Variants in ABCA13 observed in about 807,000 individuals in gnomAD.
ABCA13 encodes the protein ATP-binding cassette sub-family A member 13.
A neutral mutation model predicts 478.7 loss-of-function variants in ABCA13; 476 were observed. The ratio of observed to expected loss-of-function variants is 0.99; its 90% confidence interval spans 0.92 to 1.07. The LOEUF (loss-of-function observed/expected upper bound fraction) is 1.07. ABCA13 is among the 50% of genes least tolerant of loss of function. The pLI, the probability that ABCA13 is intolerant of heterozygous loss-of-function variation, is 0.00. For missense variants in ABCA13, 6,060 were observed against 5,910.6 expected, an observed-to-expected ratio of 1.03 and a Z score of -0.83; for synonymous variants, 2,252 against 2,158.9, an observed-to-expected ratio of 1.04 and a Z score of -1.20.
Position 48,279,383 on chromosome 7 carries a change from A to AAATAGG in ABCA13, c.8191_8196dup (p.Ile2731_Gly2732dup), listed in dbSNP as rs773364245. On this transcript the variant is annotated inframe_insertion, in exon 18 of 62. Transcript: ENST00000435803. ...AAAATATTATCACAAAACAGCACAGAAATAGGATCTTTCTTGAAAATGGTG... is the reference window on the plus strand; with the variant it reads ...AAAATATTATCACAAAACAGCACAGAAATAGGAATAGGATCTTTCTTGAAAATGGTG... 1.3e-6 allele frequency: 2 copies of AAATAGG among 1,596,946 alleles called. No homozygotes were observed. The highest frequency in any genetic ancestry group is 2.3e-5 in the South Asian group (2 of 88,882).
chr7:48,199,180 G>A (rs1798331216), intron 3 of ABCA13, among the ~76,000 whole-genome samples: 1 of 152,120 alleles, frequency 6.6e-6, no homozygotes, highest in South Asian at 2.1e-4. Flanking sequence ...CCAACTCTAA[G>A]TTACAAGAGG....
chr7:48,283,816 T>C (rs562173838), intron 19 of ABCA13, among the ~76,000 whole-genome samples: 6 of 152,172 alleles, frequency 3.9e-5, no homozygotes, highest in Non-Finnish European at 8.8e-5. Flanking sequence ...ACAAGTGATG[T>C]CGTGAGAAGT....
intron 47 of ABCA13, among the ~76,000 whole-genome samples, chr7:48,486,692 G>A (rs1829336648): frequency 6.6e-6 from 1 of 152,140 alleles, no homozygotes; most frequent in Non-Finnish European, 1.5e-5. Context: ...CCTCCACAAT[G>A]GATGTTCATT....
chr7:48,605,301 T>C (rs928841085), intron 58 of ABCA13, among the ~76,000 whole-genome samples: 4 of 152,234 alleles, frequency 2.6e-5, no homozygotes, highest in Admixed American at 2.6e-4. Flanking sequence ...TGCCTGTTAG[T>C]TGATGCAGTT....
At chr7:48,210,572 T>A (rs1291811368) in intron 3 of ABCA13, among the ~76,000 whole-genome samples, 1 of 152,124 alleles carries the variant, frequency 6.6e-6, no homozygotes, top group Non-Finnish European at 1.5e-5. Flanking sequence ...ATTTTAAAAT[T>A]TCCTTCTTAA....
chr7:48,415,133 A>G (rs1819802299), intron 41 of ABCA13, among the ~76,000 whole-genome samples: 1 of 152,180 alleles, frequency 6.6e-6, no homozygotes, highest in Non-Finnish European at 1.5e-5. Flanking sequence ...TATGTCAGAC[A>G]CCACAGTTGT....
At chr7:48,601,055 T>C (rs1473620752) in intron 58 of ABCA13, among the ~76,000 whole-genome samples, 2 of 152,144 alleles carry the variant, frequency 1.3e-5, no homozygotes, top group Non-Finnish European at 1.5e-5. Flanking sequence ...TAATCTTTAT[T>C]GATCTATGTG....
intron 48 of ABCA13, among the ~76,000 whole-genome samples, chr7:48,504,988 A>G (rs1216098861): frequency 1.3e-5 from 2 of 152,206 alleles, no homozygotes; most frequent in Non-Finnish European, 2.9e-5. Context: ...AGGGATCAAG[A>G]CCACACAATT....
intron 6 of ABCA13, among the ~76,000 whole-genome samples, chr7:48,228,443 A>G (rs914656222): frequency 6.6e-6 from 1 of 152,130 alleles, no homozygotes; most frequent in Non-Finnish European, 1.5e-5. Flanking sequence ...CTGCAGCCCA[A>G]GGGTATTCTA....
chr7:48,398,732 A>G (rs888011476), intron 38 of ABCA13, among the ~76,000 whole-genome samples: 2 of 152,204 alleles, frequency 1.3e-5, no homozygotes, highest in African/African-American at 4.8e-5. Context: ...TTCACCATGC[A>G]ACTCAGGTTG....
chr7:48,281,943 C>T (rs1797112351), intron 19 of ABCA13, among the ~76,000 whole-genome samples: 1 of 152,176 alleles, frequency 6.6e-6, no homozygotes. Context: ...CTGATGGGTG[C>T]TGAGTAGTCC....
intron 11 of ABCA13, 40 bp downstream of exon 11, chr7:48,244,743 G>C (rs1487962523): frequency 6.5e-7 from 1 of 1,537,178 alleles, no homozygotes; most frequent in African/African-American, 1.4e-5. Flanking sequence ...GACTCACTAA[G>C]AGTAAATGTG....
intron 1 of ABCA13, among the ~76,000 whole-genome samples, chr7:48,180,384 T>C (rs914551724): frequency 6.6e-6 from 1 of 152,164 alleles, no homozygotes; most frequent in Admixed American, 6.5e-5. Flanking sequence ...TATCCTAACA[T>C]ACTACTCTTG....
At chr7:48,330,484 C>T (rs1457455222) in intron 27 of ABCA13, among the ~76,000 whole-genome samples, 9 of 134,708 alleles carry the variant, frequency 6.7e-5, no homozygotes, top group African/African-American at 2.5e-4. Context: ...TCCATCCATC[C>T]GTCCATCCAT....
intron 59 of ABCA13, among the ~76,000 whole-genome samples, chr7:48,639,093 C>T (rs545166195): frequency 2.0e-5 from 3 of 152,268 alleles, no homozygotes; most frequent in Admixed American, 1.3e-4. Context: ...GCCTCACTCA[C>T]AGAGGATACA....
chr7:48,404,843 ATCTGTT>A (rs1818052245), intron 39 of ABCA13, among the ~76,000 whole-genome samples: 1 of 152,196 alleles, frequency 6.6e-6, no homozygotes, highest in South Asian at 2.1e-4. Flanking sequence ...TAGAAGATCA[ATCTGTT>A]TCTTTCTGTC....
chr7:48,318,797 G>A lies in ABCA13; in HGVS notation c.9999+1501G>A, dbSNP rs921573638. The stretch of plus-strand genomic sequence containing the variant: ...TCACAGAAAATGGCTCCATATCACA[G>A]CTCTATTTTAAATTCAAAATTTAAA... On this transcript the variant is annotated intron_variant, in intron 27 of 61. Transcript: ENST00000435803. Among the ~76,000 whole-genome samples the A allele has an allele frequency of 2.1e-4, 32 of 151,714 alleles. 2 individuals carry two copies. Among genetic ancestry groups the A allele is most frequent in the African/African-American group, 7.3e-4 (30 of 41,264 alleles).
rs201487892 is a variant in ABCA13, at chr7:48,415,544, A to AC, written c.12459+2966dup. Among the ~76,000 whole-genome samples, 18 of 152,280 alleles carry AC rather than the reference A, an allele frequency of 1.2e-4. No individual in the cohort carries two copies. The East Asian group carries it at 1.9e-3, about 16-fold the overall frequency. On this transcript the variant is annotated intron_variant, in intron 41 of 61. Coordinates refer to ENST00000435803, the MANE Select transcript of ABCA13 (RefSeq NM_152701.5). ...CTTATCAGTGAAATAATGAGTGTTC[A>AC]CCCCCAATGTATTTACTGATTTGCA...
At chr7:48,262,155 T>G (rs1270998547) in intron 15 of ABCA13, among the ~76,000 whole-genome samples, 7 of 151,936 alleles carry the variant, frequency 4.6e-5, no homozygotes, top group Non-Finnish European at 1.0e-4. Flanking sequence ...CAGGTTAAAT[T>G]AATCCCCACT....
Sources: gnomAD v4.1 joint callset for allele counts (sites outside exome capture counted in the v4.1 genomes callset) on GRCh38, gnomAD v4.1.1 for gene constraint, MANE v1.5 for transcripts, NCBI Gene and HGNC (gene_info 2026-07-23, HGNC 2026-07-21) for gene names.